ZNF711: variants seen among roughly 807,000 people sequenced by gnomAD.
ZNF711 encodes the protein ZFX family zinc finger ZNF711, also known as zinc finger protein 711.
ZNF711 carries 3 observed loss-of-function variants against 43.5 expected under a neutral mutation model. That is an observed-to-expected ratio of 0.07 (90% CI 0.03 to 0.18). The LOEUF (loss-of-function observed/expected upper bound fraction) is 0.18. Among genes scored for constraint, ZNF711 ranks in the 10% least tolerant of loss-of-function variants. ZNF711 has a pLI of 1.00. For synonymous variants in ZNF711, 209 were observed against 207.7 expected, an observed-to-expected ratio of 1.01 and a Z score of -0.06; for missense variants, 412 against 604.0, an observed-to-expected ratio of 0.68 and a Z score of 3.33.
intron 5 of ZNF711, among the ~76,000 whole-genome samples, chrX:85,257,821 A>G (rs192908366): frequency 8.8e-6 from 1 of 113,338 alleles, no homozygotes; most frequent in Non-Finnish European, 1.9e-5. Flanking sequence ...CCACAGCCTC[A>G]CCAACATCTG....
chrX:85,268,901 G>A (rs1023073640), intron 9 of ZNF711, among the ~76,000 whole-genome samples: 2 of 111,477 alleles, frequency 1.8e-5, no homozygotes, highest in Non-Finnish European at 3.8e-5. Context: ...CCCTTGGGAA[G>A]TATTTGACTC....
chrX:85,257,968 A>G (rs1232466414), intron 5 of ZNF711, among the ~76,000 whole-genome samples: 1 of 113,163 alleles, frequency 8.8e-6, no homozygotes, highest in African/African-American at 3.2e-5. Context: ...TATGGAAAAC[A>G]GTGTGGAGAT....
intron 5 of ZNF711, 60 bp from the exon 6 acceptor site, chrX:85,264,215 T>G (rs1930904854): frequency 3.0e-6 from 3 of 985,181 alleles, no homozygotes; most frequent in Admixed American, 2.4e-5. Flanking sequence ...ATTTTTCTTG[T>G]TTTGTTGTTT....
chrX:85,252,759 T>TG (rs770046702), intron 4 of ZNF711, among the ~76,000 whole-genome samples: 27 of 106,504 alleles, frequency 2.5e-4, no homozygotes, highest in Admixed American at 8.0e-4. Context: ...TGTGTCCTTT[T>TG]GGGGTAATTT....
chrX:85,247,553 G>A lies in ZNF711; in HGVS notation c.-20G>A, dbSNP rs773355503. The A allele has an allele frequency of 8.5e-7, 1 of 1,181,790 alleles. No individual in the cohort carries two copies. The highest frequency in any genetic ancestry group is 1.1e-6 in the Non-Finnish European group (1 of 871,325). ...AAAGCCATTTCTTTTGCAGATATTG[G>A]TGAATGAACTTTGCTAAGTATGGAT... On this transcript the variant is annotated 5_prime_UTR_variant, in exon 4 of 11. In the 5' UTR this introduces an upstream ATG that the reference lacks. Coordinates refer to ENST00000674551, the MANE Select transcript of ZNF711 (RefSeq NM_001330574.2).
Position 85,255,676 on chromosome X carries a change from A to G in ZNF711, c.497A>G (p.Asn166Ser). The G allele has an allele frequency of 8.3e-7, 1 of 1,211,456 alleles. No homozygotes were observed. The highest frequency in any genetic ancestry group is 1.1e-6 in the Non-Finnish European group (1 of 895,433). Residue 166 changes from asparagine to serine, a missense_variant, in exon 5 of 11, where the codon AAT becomes AGT. Around this residue, in one of 4 missense-constraint regions of ZNF711, gnomAD observed 375 missense variants for 514.2 expected, o/e 0.73. Coordinates refer to ENST00000674551, the MANE Select transcript of ZNF711 (RefSeq NM_001330574.2). ...GTATCAGAGGAGGTTCTTGTAACTA[A>G]TTCAGATACAGAAACTGTGATTCAA... ...TMVSEEVLVT[N>S]SDTETVIQAA...
At chrX:85,257,662 A>G (rs752045847) in intron 5 of ZNF711, among the ~76,000 whole-genome samples, 1 of 112,298 alleles carries the variant, frequency 8.9e-6, no homozygotes, top group Non-Finnish European at 1.9e-5. Context: ...TGGTAGAATG[A>G]TTGTTTTCCA....
chrX:85,259,463 T>C (rs1368389264), intron 5 of ZNF711, among the ~76,000 whole-genome samples: 4 of 111,721 alleles, frequency 3.6e-5, no homozygotes, highest in East Asian at 5.6e-4. Flanking sequence ...AGGAATAGCA[T>C]TGAATCTGTA....
chrX:85,258,348 A>G (rs1183805860), intron 5 of ZNF711, among the ~76,000 whole-genome samples: 1 of 110,770 alleles, frequency 9.0e-6, no homozygotes, highest in Non-Finnish European at 1.9e-5. Context: ...CATAAGAATG[A>G]TACATTAGAC....
chrX:85,255,457 TA>T lies in ZNF711; in HGVS notation c.279del (p.Glu95LysfsTer10). On this transcript the variant is annotated frameshift_variant, in exon 5 of 11. Transcript: ENST00000674551. LOFTEE classifies it high-confidence loss of function. ...GAAGGTGTGATTGTTCCTGAAGCGG[TA>T]CTTGAAGCTGATGTTGCCATTGAAG... ...VTEGVIVPEA[V>X]LEADVAIEED... 8.3e-7 allele frequency: 1 copy of T among 1,211,491 alleles called. No individual in the cohort carries two copies. The highest frequency in any genetic ancestry group is 1.1e-6 in the Non-Finnish European group (1 of 895,368).
chrX:85,255,589 C>T lies in ZNF711; in HGVS notation c.410C>T (p.Pro137Leu), dbSNP rs192990608. 5.0e-6 allele frequency: 6 copies of T among 1,209,629 alleles called. No individual in the cohort carries two copies. The Admixed American group carries it at 1.3e-4, about 26-fold the overall frequency. ...TTCGTGGCTGACCTTGTTACTGGTC[C>T]TAATGGACACTTAGAACATGTGGTC... ...QVFVADLVTG[P>L]NGHLEHVVQD... The change falls in exon 5 of 11, where the codon CCT becomes CTT. Residue 137 changes from proline (P) to leucine (L), a missense_variant. Transcript: ENST00000674551.
At position 85,244,120 on chromosome X, in the gene ZNF711, C is replaced by G. The variant is rs750379788; in HGVS notation, c.-477C>G. On this transcript the variant is annotated 5_prime_UTR_variant, in exon 1 of 11. Coordinates refer to ENST00000674551, the MANE Select transcript of ZNF711 (RefSeq NM_001330574.2). ...CGCGGTCACAGTCCGACTGGCGGCACGGAGGCGGCGGCGGCGGCGGCGGCG... is the reference window on the plus strand; with the variant it reads ...CGCGGTCACAGTCCGACTGGCGGCAGGGAGGCGGCGGCGGCGGCGGCGGCG... 1.4e-5 allele frequency: 2 copies of G among 147,836 alleles called. No homozygotes were observed. The highest frequency in any genetic ancestry group is 1.8e-4 in the East Asian group (1 of 5,696). 12.2% of individuals were successfully genotyped at this position (147,836 alleles called of 1,213,427 possible). A position where few individuals can be genotyped will look rare whatever the true frequency, so the allele number is the denominator to read the frequency against.
intron 3 of ZNF711, 94 bp from the exon 4 acceptor site, chrX:85,247,453 G>T: frequency 1.8e-6 from 1 of 542,997 alleles, no homozygotes; most frequent in Non-Finnish European, 3.0e-6. Context: ...TCCACACTTG[G>T]TTGAAAGGCA....
chrX:85,257,857 G>A (rs755364348), intron 5 of ZNF711, among the ~76,000 whole-genome samples: 15 of 113,007 alleles, frequency 1.3e-4, no homozygotes, highest in African/African-American at 2.6e-4. Context: ...TTTAGTAATG[G>A]CCATTCTGGC....
At chrX:85,270,280 GTTTTT>G in intron 10 of ZNF711, 134 bp downstream of exon 10, 2 of 493,534 alleles carry the variant, frequency 4.1e-6, no homozygotes, top group Non-Finnish European at 3.2e-6. Context: ...ATAGATAATT[GTTTTT>G]TTTTTTTTTT....
intron 9 of ZNF711, among the ~76,000 whole-genome samples, chrX:85,269,120 C>G (rs1053263926): frequency 7.2e-5 from 8 of 111,211 alleles, no homozygotes; most frequent in Non-Finnish European, 1.3e-4. Context: ...TATGTTAACC[C>G]GTAAAATCAA....
intron 4 of ZNF711, among the ~76,000 whole-genome samples, chrX:85,254,801 CAAAAAA>C (rs376380248): frequency 3.3e-4 from 12 of 35,855 alleles, no homozygotes; most frequent in Non-Finnish European, 6.7e-4. Flanking sequence ...GACTCCGTCT[CAAAAAA>C]AAAAAAAAAA....
intron 5 of ZNF711, among the ~76,000 whole-genome samples, chrX:85,261,506 G>A (rs572512805): frequency 2.8e-4 from 31 of 110,441 alleles, no homozygotes; most frequent in Non-Finnish European, 5.0e-4. Context: ...CCATCACTGT[G>A]GTATATCAGT....
At position 85,272,772 on chromosome X, in the gene ZNF711, AT is replaced by A. The variant is rs1931659119; in HGVS notation, c.*949del. 1 of 111,992 alleles carries A rather than the reference AT, an allele frequency of 8.9e-6. No individual in the cohort carries two copies. Among genetic ancestry groups the A allele is most frequent in the South Asian group, 3.7e-4 (1 of 2,726 alleles). 9.2% of individuals were successfully genotyped at this position (111,992 alleles called of 1,213,427 possible). On this transcript the variant is annotated 3_prime_UTR_variant, in exon 11 of 11. Coordinates refer to ENST00000674551, the MANE Select transcript of ZNF711 (RefSeq NM_001330574.2). The stretch of plus-strand genomic sequence containing the variant: ...CAATTTTATGCCATTATTGAAATTG[AT>A]TTTTAAAATCTATATACCATATGAT...
Sources: allele counts gnomAD v4.1 joint callset (sites outside exome capture counted in the v4.1 genomes callset), GRCh38; gene constraint gnomAD v4.1.1; regional missense constraint gnomAD v4.1.1; transcripts MANE v1.5; gene names NCBI Gene and HGNC (gene_info 2026-07-23, HGNC 2026-07-21).